Variants in PARD3B observed in about 807,000 individuals in gnomAD.
The protein encoded by PARD3B is par-3 family cell polarity regulator beta.
In PARD3B, 103 loss-of-function variants were observed where a neutral mutation model predicts 130.2. The observed-to-expected ratio is 0.79, with a 90% confidence interval of 0.67 to 0.93. The LOEUF (loss-of-function observed/expected upper bound fraction) is 0.93. PARD3B is among the 40% of genes least tolerant of loss of function. The probability of loss-of-function intolerance (pLI) is 0.00; values close to 1 mark genes in which losing one functional copy is unlikely to be tolerated. For missense variants in PARD3B, 1,609 were observed against 1,499.2 expected (o/e 1.07, Z -1.21); for synonymous variants, 583 against 553.2 (o/e 1.05, Z -0.76).
chr2:205,326,467 T>C (rs1202643301), intron 18 of PARD3B, among the ~76,000 whole-genome samples: 1 of 152,128 alleles, frequency 6.6e-6, no homozygotes, highest in Non-Finnish European at 1.5e-5. Flanking sequence ...GCCTGGAAAG[T>C]GGAGGAGATG....
At chr2:205,332,949 A>C (rs2043189831) in intron 18 of PARD3B, among the ~76,000 whole-genome samples, 1 of 152,244 alleles carries the variant, frequency 6.6e-6, no homozygotes, top group Non-Finnish European at 1.5e-5. Flanking sequence ...GCTGTTATAT[A>C]GCAGAGCAGT....
intron 2 of PARD3B, among the ~76,000 whole-genome samples, chr2:204,846,881 A>G (rs2044482794): frequency 6.6e-6 from 1 of 151,988 alleles, no homozygotes; most frequent in African/African-American, 2.4e-5. Flanking sequence ...CCAGTCCACC[A>G]TTCCTTTCAA....
intron 1 of PARD3B, among the ~76,000 whole-genome samples, chr2:204,650,896 GA>G (rs2035454298): frequency 6.6e-6 from 1 of 152,050 alleles, no homozygotes; most frequent in Admixed American, 6.6e-5. Flanking sequence ...GTGAGAGAGA[GA>G]GAGAGAGAGA....
intron 11 of PARD3B, among the ~76,000 whole-genome samples, chr2:205,167,201 C>T (rs2034869349): frequency 6.6e-6 from 1 of 152,036 alleles, no homozygotes; most frequent in Non-Finnish European, 1.5e-5. Flanking sequence ...TACCCAGGCA[C>T]CAGTGAATAT....
intron 2 of PARD3B, among the ~76,000 whole-genome samples, chr2:204,825,545 A>G (rs1230383020): frequency 1.3e-5 from 2 of 152,236 alleles, no homozygotes; most frequent in Non-Finnish European, 2.9e-5. Flanking sequence ...ACTAGGCTAC[A>G]ACTTCTTTGC....
chr2:204,636,238 C>A (rs977116303), intron 1 of PARD3B, among the ~76,000 whole-genome samples: 3 of 152,062 alleles, frequency 2.0e-5, no homozygotes, highest in African/African-American at 7.2e-5. Context: ...GTACTGTAGA[C>A]CCAGAGCTGT....
intron 2 of PARD3B, among the ~76,000 whole-genome samples, chr2:204,835,326 G>A (rs2043988275): frequency 6.6e-6 from 1 of 152,178 alleles, no homozygotes; most frequent in East Asian, 1.9e-4. Context: ...TGGGGAAGAA[G>A]ACTCCTTACT....
intron 1 of PARD3B, among the ~76,000 whole-genome samples, chr2:204,670,267 A>G (rs1377906167): frequency 6.6e-6 from 1 of 152,220 alleles, no homozygotes; most frequent in African/African-American, 2.4e-5. Context: ...GCAGCTGCTC[A>G]ACTCTGAGTT....
At chr2:205,353,639 T>C (rs1362806155) in intron 18 of PARD3B, among the ~76,000 whole-genome samples, 1 of 152,198 alleles carries the variant, frequency 6.6e-6, no homozygotes, top group African/African-American at 2.4e-5. Context: ...GACTGAAACC[T>C]TTTGTTTCAT....
intron 2 of PARD3B, among the ~76,000 whole-genome samples, chr2:204,926,891 A>G (rs1241005596): frequency 6.6e-6 from 1 of 152,120 alleles, no homozygotes; most frequent in African/African-American, 2.4e-5. Flanking sequence ...AAACTGTGAC[A>G]TCTAAACATA....
At position 205,176,566 on chromosome 2, in the gene PARD3B, A is replaced by G. The variant is rs2035481150; in HGVS notation, c.1913A>G (p.Asp638Gly). 1 of 1,609,762 alleles carries G rather than the reference A, an allele frequency of 6.2e-7. No homozygotes were observed. The highest frequency in any genetic ancestry group is 8.5e-7 in the Non-Finnish European group (1 of 1,178,152). The change falls in exon 13 of 23, where the codon GAC becomes GGC. Residue 638 changes from aspartate to glycine, a missense_variant. Asp to Gly is a moderately conservative substitution (Grantham distance 94). Transcript: ENST00000406610. The surrounding 1 kb of genome is among the most constrained non-coding windows in gnomAD (Gnocchi z 5.3). Reference sequence around the variant, plus strand: ...CCACTTGGCACTTGCAGTCCACAAGACAAACAGAAAGGTAAGAGTCTATTC... The same window carrying G: ...CCACTTGGCACTTGCAGTCCACAAGGCAAACAGAAAGGTAAGAGTCTATTC... ...LHPLGTCSPQ[D>G]KQKGLLLPND... is the part of the protein sequence containing the mutation.
At chr2:205,214,118 TTTTA>T (rs2037789409) in intron 15 of PARD3B, among the ~76,000 whole-genome samples, 1 of 152,100 alleles carries the variant, frequency 6.6e-6, no homozygotes, top group Non-Finnish European at 1.5e-5. Context: ...AAGTATGTGT[TTTTA>T]TTTATATTAT....
rs115849247 is a variant in PARD3B at position 204,917,129 on chromosome 2, T to G, written c.223-48023T>G. On this transcript the variant is annotated intron_variant, in intron 2 of 22. Coordinates refer to ENST00000406610, the MANE Select transcript of PARD3B (RefSeq NM_001302769.2). ...AGAGCCAGAGGAGGACAATTTAAAA[T>G]AATCATCAGGGAAGATTCTAAGAAG... 3.9e-3 allele frequency among the ~76,000 whole-genome samples: 594 copies of G among 152,314 alleles called. 5 individuals are homozygous for G. Among genetic ancestry groups the G allele is most frequent in the African/African-American group, 0.013 (552 of 41,576 alleles).
rs890794487 is a variant in PARD3B at position 205,244,826 on chromosome 2, C to G, written c.2141-952C>G. Among the ~76,000 whole-genome samples, 1 of 152,160 alleles carries G rather than the reference C, an allele frequency of 6.6e-6. No homozygotes were observed. Among genetic ancestry groups the G allele is most frequent in the African/African-American group, 2.4e-5 (1 of 41,432 alleles). The stretch of plus-strand genomic sequence containing the variant: ...TTTTCCCCGCTGTTGAGGCAAGACC[C>G]TTCTTCACATTCAAATGGATGCCCT... On this transcript the variant is annotated intron_variant, in intron 15 of 22. Coordinates refer to ENST00000406610, the MANE Select transcript of PARD3B (RefSeq NM_001302769.2). This position sits in a 1 kb window ranked among gnomAD's most constrained non-coding sequence, Gnocchi z 4.7.
At chr2:204,573,919 C>G (rs1413833774) in intron 1 of PARD3B, among the ~76,000 whole-genome samples, 1 of 152,218 alleles carries the variant, frequency 6.6e-6, no homozygotes, top group African/African-American at 2.4e-5. Context: ...TTCTTTACTC[C>G]TCTTTATTCC....
intron 3 of PARD3B, among the ~76,000 whole-genome samples, chr2:204,998,657 A>C (rs1414605916): frequency 6.6e-6 from 1 of 151,324 alleles, no homozygotes; most frequent in African/African-American, 2.4e-5. Context: ...TCTACTAAAC[A>C]TTTTTCCATA....
Position 204,890,019 on chromosome 2 carries a change from G to GT in PARD3B, c.223-75126dup, listed in dbSNP as rs1262253419. Among the ~76,000 whole-genome samples, 1 of 152,136 alleles carries GT rather than the reference G, an allele frequency of 6.6e-6. No individual in the cohort carries two copies. Among genetic ancestry groups the GT allele is most frequent in the Non-Finnish European group, 1.5e-5 (1 of 68,022 alleles). Reference sequence around the variant, plus strand: ...CCTTCTATAGAAAGAGGTATACAGTGTTTTTTTCTGGAAAGTTAATTTTAC... The same window carrying GT: ...CCTTCTATAGAAAGAGGTATACAGTGTTTTTTTTCTGGAAAGTTAATTTTAC... On this transcript the variant is annotated intron_variant, in intron 2 of 22. Transcript: ENST00000406610. This position sits in a 1 kb window ranked among gnomAD's most constrained non-coding sequence, Gnocchi z 4.9.
intron 2 of PARD3B, among the ~76,000 whole-genome samples, chr2:204,820,077 T>TTTTTTTTTTTTTG (rs2043286410): frequency 7.0e-6 from 1 of 142,262 alleles, no homozygotes; most frequent in Admixed American, 6.9e-5. Flanking sequence ...TAGACTTTTT[T>TTTTTTTTTTTTTG]TTTTTTTTTT....
In PARD3B at chr2:205,044,061, G is replaced by T. The variant is rs1195938335; in HGVS notation, c.395-3520G>T. ...TATGAGTGAGAATATGCAGTGTTTGGTTTTTTGTTCTTGAGATAGTTTACT... is the reference window on the plus strand; with the variant it reads ...TATGAGTGAGAATATGCAGTGTTTGTTTTTTTGTTCTTGAGATAGTTTACT... On this transcript the variant is annotated intron_variant, in intron 3 of 22. Coordinates refer to ENST00000406610, the MANE Select transcript of PARD3B (RefSeq NM_001302769.2). Among the ~76,000 whole-genome samples, 10 of 151,300 alleles carry T rather than the reference G, an allele frequency of 6.6e-5. No individual in the cohort carries two copies. In the East Asian group the frequency reaches 2.0e-3, roughly 30 times the overall value.
Sources: gnomAD v4.1 joint callset for allele counts (sites outside exome capture counted in the v4.1 genomes callset) on GRCh38, gnomAD v4.1.1 for gene constraint, Gnocchi (gnomAD v3.1) non-coding constraint, MANE v1.5 for transcripts, NCBI Gene and HGNC (gene_info 2026-07-23, HGNC 2026-07-21) for gene names.